The following NCEH1 variants were observed in gnomAD, a reference collection of about 807,000 sequenced individuals.
NCEH1 encodes the protein neutral cholesterol ester hydrolase 1.
In NCEH1, 9 loss-of-function variants were observed where a neutral mutation model predicts 25.4. The ratio of observed to expected loss-of-function variants is 0.35; its 90% confidence interval spans 0.21 to 0.62. The LOEUF (loss-of-function observed/expected upper bound fraction) is 0.62, where lower values mean the gene tolerates loss of function less well. Among genes scored for constraint, NCEH1 ranks in the 20% least tolerant of loss-of-function variants. NCEH1 has a pLI of 0.72. For missense variants in NCEH1, 412 were observed against 501.1 expected, an observed-to-expected ratio of 0.82 and a Z score of 1.70; for synonymous variants, 200 against 199.8, an observed-to-expected ratio of 1.00 and a Z score of -0.01.
At chr3:172,638,256 C>T (rs1276408532) in intron 3 of NCEH1, among the ~76,000 whole-genome samples, 3 of 104,760 alleles carry the variant, frequency 2.9e-5, no homozygotes, top group African/African-American at 3.6e-5. Flanking sequence ...CCAGCCTGGG[C>T]GACAGAACGA....
intron 1 of NCEH1, among the ~76,000 whole-genome samples, chr3:172,696,447 C>T (rs2108533237): frequency 6.6e-6 from 1 of 152,294 alleles, no homozygotes; most frequent in South Asian, 2.1e-4. Flanking sequence ...TTCTCGTGTG[C>T]CAGGTATTGC....
chr3:172,651,484 G>A (rs1343066674), intron 1 of NCEH1, among the ~76,000 whole-genome samples: 1 of 151,652 alleles, frequency 6.6e-6, no homozygotes, highest in Non-Finnish European at 1.5e-5. Context: ...TTCTTTGAAG[G>A]GCTATGAGAA....
rs766216458 is a variant in NCEH1 at position 172,650,961 on chromosome 3, TAG to T, written c.139-2849_139-2848del. On this transcript the variant is annotated intron_variant, in intron 1 of 4. Coordinates refer to ENST00000475381, the MANE Select transcript of NCEH1 (RefSeq NM_020792.6). ...AATGTTCACAATTGTATTGATAAAT[TAG>T]AGTTATACTAGAGCCAATATCAAGA... is the stretch of plus-strand genomic sequence containing the variant. Among the ~76,000 whole-genome samples the T allele has an allele frequency of 4.6e-5, 7 of 151,344 alleles. No homozygotes were observed. In the East Asian group the frequency reaches 5.8e-4, roughly 13 times the overall value.
chr3:172,699,807 A>G (rs1713583198), intron 1 of NCEH1, among the ~76,000 whole-genome samples: 1 of 152,178 alleles, frequency 6.6e-6, no homozygotes, highest in Non-Finnish European at 1.5e-5. Flanking sequence ...CAGAGGTTGC[A>G]GTGAACCACG....
chr3:172,652,198 T>C (rs1451458680), intron 1 of NCEH1, among the ~76,000 whole-genome samples: 1 of 152,204 alleles, frequency 6.6e-6, no homozygotes, highest in Non-Finnish European at 1.5e-5. Context: ...AGGCTCCAGC[T>C]GGTGAGGGAA....
chr3:172,678,701 A>C (rs1712161304), intron 1 of NCEH1, among the ~76,000 whole-genome samples: 1 of 152,168 alleles, frequency 6.6e-6, no homozygotes, highest in South Asian at 2.1e-4. Flanking sequence ...AATTTTTTAA[A>C]CTATATGTAT....
intron 1 of NCEH1, among the ~76,000 whole-genome samples, chr3:172,649,652 G>A (rs1011729366): frequency 1.7e-4 from 26 of 152,230 alleles, no homozygotes; most frequent in African/African-American, 5.8e-4. Context: ...TAAAATGTTA[G>A]TCTAATTTAG....
chr3:172,680,458 A>C lies in NCEH1; in HGVS notation c.138+30389T>G, dbSNP rs548640849. On this transcript the variant is annotated intron_variant, in intron 1 of 4. Transcript: ENST00000475381. Reference sequence around the variant, plus strand: ...TCTTCATGCTCTCCATGTCAAGTGGAAGGTTTGGTTTGTGTGCAACTTCCC... The same window carrying C: ...TCTTCATGCTCTCCATGTCAAGTGGCAGGTTTGGTTTGTGTGCAACTTCCC... 2.7e-3 allele frequency among the ~76,000 whole-genome samples: 408 copies of C among 152,096 alleles called. 2 individuals are homozygous for C. The highest frequency in any genetic ancestry group is 7.7e-3 in the South Asian group (37 of 4,814).
chr3:172,637,977 G>T lies in NCEH1; in HGVS notation c.438-1890C>A, dbSNP rs1286636017. Among the ~76,000 whole-genome samples, 3 of 152,164 alleles carry T rather than the reference G, an allele frequency of 2.0e-5. No homozygotes were observed. In the East Asian group the frequency reaches 5.8e-4, roughly 29 times the overall value. On this transcript the variant is annotated intron_variant, in intron 3 of 4. Coordinates refer to ENST00000475381, the MANE Select transcript of NCEH1 (RefSeq NM_020792.6). The stretch of plus-strand genomic sequence containing the variant: ...CCTGAGAATCACTTGAACCCAGGAA[G>T]TGGAAGTTGCAGTGAGCTGAGATCG...
In NCEH1 at chr3:172,710,372, C is replaced by T. The variant is rs555338897; in HGVS notation, c.138+475G>A. ...AACGGAGCGCTCCACAGCCTGGGGA[C>T]ATTGCGAGACTGCCCTTGCCTGCTT... On this transcript the variant is annotated intron_variant, in intron 1 of 4. Coordinates refer to ENST00000475381, the MANE Select transcript of NCEH1 (RefSeq NM_020792.6). Among the ~76,000 whole-genome samples, 23 of 152,332 alleles carry T rather than the reference C, an allele frequency of 1.5e-4. No homozygotes were observed. The South Asian group carries it at 4.6e-3, about 30-fold the overall frequency.
At chr3:172,663,100 G>A (rs1440720719) in intron 1 of NCEH1, among the ~76,000 whole-genome samples, 1 of 152,136 alleles carries the variant, frequency 6.6e-6, no homozygotes, top group East Asian at 1.9e-4. Context: ...TGGGCATTTA[G>A]TGCATAAATT....
chr3:172,635,199 G>A (rs1048203430), intron 4 of NCEH1, among the ~76,000 whole-genome samples: 3 of 152,170 alleles, frequency 2.0e-5, no homozygotes, highest in African/African-American at 7.2e-5. Context: ...AATGCCAAAT[G>A]GAAAATCAAG....
At chr3:172,710,484 T>A (rs1714239823) in intron 1 of NCEH1, among the ~76,000 whole-genome samples, 1 of 152,218 alleles carries the variant, frequency 6.6e-6, no homozygotes, top group African/African-American at 2.4e-5. Flanking sequence ...CCGGTCCCTA[T>A]GGGAGAACGA....
intron 1 of NCEH1, among the ~76,000 whole-genome samples, chr3:172,671,920 T>TA (rs1324622765): frequency 3.7e-4 from 56 of 152,306 alleles, no homozygotes; most frequent in African/African-American, 1.3e-3. Context: ...TGCAATTACT[T>TA]AATTTTTAAA....
At chr3:172,694,111 C>T (rs533365663) in intron 1 of NCEH1, among the ~76,000 whole-genome samples, 1 of 152,252 alleles carries the variant, frequency 6.6e-6, no homozygotes, top group South Asian at 2.1e-4. Context: ...CCAGGATGAT[C>T]TCAAACTCCT....
chr3:172,690,275 C>T (rs1712963041), intron 1 of NCEH1, among the ~76,000 whole-genome samples: 1 of 152,156 alleles, frequency 6.6e-6, no homozygotes, highest in African/African-American at 2.4e-5. Context: ...GCTTACTGCT[C>T]TTTCCCCAGA....
chr3:172,708,285 C>T (rs1343488733), intron 1 of NCEH1, among the ~76,000 whole-genome samples: 4 of 152,260 alleles, frequency 2.6e-5, no homozygotes, highest in Non-Finnish European at 4.4e-5. Flanking sequence ...GCTTAAATTG[C>T]TTTTGTAGTT....
At chr3:172,687,974 G>C (rs544873750) in intron 1 of NCEH1, among the ~76,000 whole-genome samples, 2 of 152,106 alleles carry the variant, frequency 1.3e-5, no homozygotes, top group Non-Finnish European at 2.9e-5. Flanking sequence ...AAATTTGATT[G>C]TTCAGTTTTA....
At chr3:172,709,904 T>C (rs890609697) in intron 1 of NCEH1, among the ~76,000 whole-genome samples, 10 of 152,142 alleles carry the variant, frequency 6.6e-5, no homozygotes, top group African/African-American at 2.4e-4. Context: ...AGAGTTTAGA[T>C]AGAGCAGGCT....
Sources: gnomAD v4.1 joint callset for allele counts (sites outside exome capture counted in the v4.1 genomes callset) on GRCh38, gnomAD v4.1.1 for gene constraint, MANE v1.5 for transcripts, NCBI Gene and HGNC (gene_info 2026-07-23, HGNC 2026-07-21) for gene names.